IGDCC4: variants seen among roughly 807,000 people sequenced by gnomAD.
The protein encoded by IGDCC4 is likely ortholog of mouse neighbor of Punc E11.
A neutral mutation model predicts 116.6 loss-of-function variants in IGDCC4; 72 were observed. The ratio of observed to expected loss-of-function variants is 0.62; its 90% confidence interval spans 0.51 to 0.75. The LOEUF is 0.75. Among genes scored for constraint, IGDCC4 ranks in the 30% least tolerant of loss-of-function variants. IGDCC4 has a pLI of 0.00. For missense variants in IGDCC4, 1,501 were observed against 1,662.4 expected (o/e 0.90, Z 1.69); for synonymous variants, 709 against 719.9 (o/e 0.98, Z 0.24).
Position 65,391,983 on chromosome 15 carries a change from T to C in IGDCC4, c.2123-2A>G. ...TCACCTCGTACAGCCGGCCAGGGAC[T>C]GGGGAAGGTTACAGGGCTTAATGGC... On this transcript the variant is annotated splice_acceptor_variant, in intron 11 of 19. Coordinates refer to ENST00000352385, the MANE Select transcript of IGDCC4 (RefSeq NM_020962.3). LOFTEE classifies it high-confidence loss of function. The C allele has an allele frequency of 6.2e-7, 1 of 1,607,388 alleles. No homozygotes were observed. Among genetic ancestry groups the C allele is most frequent in the Non-Finnish European group, 8.5e-7 (1 of 1,176,594 alleles).
intron 1 of IGDCC4, among the ~76,000 whole-genome samples, chr15:65,413,912 C>A (rs1481052765): frequency 5.3e-5 from 8 of 152,232 alleles, no homozygotes; most frequent in Non-Finnish European, 2.9e-5. Flanking sequence ...CCCCAGCTCA[C>A]TGGAATGTAG....
chr15:65,389,094 G>T, intron 14 of IGDCC4, 116 bp from the exon 15 acceptor site: 1 of 1,084,302 alleles, frequency 9.2e-7, no homozygotes, highest in Non-Finnish European at 1.3e-6. Context: ...GATGAGGTCT[G>T]GTTTCTAGTT....
chr15:65,413,479 G>A (rs2063116666), intron 1 of IGDCC4, among the ~76,000 whole-genome samples: 1 of 152,198 alleles, frequency 6.6e-6, no homozygotes, highest in Non-Finnish European at 1.5e-5. Context: ...GGAAACAGTA[G>A]AGGAAGGGAA....
intron 3 of IGDCC4, among the ~76,000 whole-genome samples, chr15:65,403,718 G>A (rs1015119091): frequency 1.2e-4 from 18 of 152,312 alleles, no homozygotes; most frequent in Middle Eastern, 3.4e-3. Flanking sequence ...TGGAGAGGAC[G>A]TGGTCTCCAA....
chr15:65,419,475 G>T (rs2063171402), intron 1 of IGDCC4, among the ~76,000 whole-genome samples: 1 of 152,152 alleles, frequency 6.6e-6, no homozygotes. Context: ...ACATGTAAAT[G>T]TGTGTTTAAT....
Position 65,411,150 on chromosome 15 carries a change from C to A in IGDCC4, c.291G>T (p.Gln97His), listed in dbSNP as rs766046375. 3 of 1,613,678 alleles carry A rather than the reference C, an allele frequency of 1.9e-6. No homozygotes were observed. Among genetic ancestry groups the A allele is most frequent in the Middle Eastern group, 3.3e-4 (2 of 6,060 alleles). ...CGTCACTGCCATTGGGTGCTAGTGG[C>A]TGGGACAGCCACAGGGAACCATTGG... is the stretch of plus-strand genomic sequence containing the variant. ...LLPNGSLWLS[Q>H]PLAPNGSDES... Residue 97 changes from glutamine (Q) to histidine (H), a missense_variant, in exon 2 of 20, where the codon CAG (glutamine) becomes CAT (histidine). By Grantham distance (24) the Gln-to-His change is conservative (BLOSUM62 0). Coordinates refer to ENST00000352385, the MANE Select transcript of IGDCC4 (RefSeq NM_020962.3).
chr15:65,409,269 C>T (rs2063067483), intron 3 of IGDCC4, among the ~76,000 whole-genome samples: 1 of 152,124 alleles, frequency 6.6e-6, no homozygotes, highest in South Asian at 2.1e-4. Flanking sequence ...TGGGACAATG[C>T]AACACAGGCA....
At position 65,401,547 on chromosome 15, in the gene IGDCC4, G is replaced by C. The variant is rs557850345; in HGVS notation, c.701-601C>G. Among the ~76,000 whole-genome samples, 98 of 152,248 alleles carry C rather than the reference G, an allele frequency of 6.4e-4. 1 individual carries two copies. The highest frequency in any genetic ancestry group is 1.2e-3 in the Non-Finnish European group (80 of 68,014). On this transcript the variant is annotated intron_variant, in intron 4 of 19. Transcript: ENST00000352385. Reference sequence around the variant, plus strand: ...ACAGAAGAAAGACGACACCAGACTGGGAGCAGCCTACCAGCTAAGCCCAGA... The same window carrying C: ...ACAGAAGAAAGACGACACCAGACTGCGAGCAGCCTACCAGCTAAGCCCAGA...
chr15:65,394,280 C>T, intron 9 of IGDCC4, 131 bp downstream of exon 9: 2 of 1,424,962 alleles, frequency 1.4e-6, no homozygotes. Flanking sequence ...TTTTCAGGTT[C>T]ACCCTTCCCC....
chr15:65,406,902 G>C (rs1200435137), intron 3 of IGDCC4, among the ~76,000 whole-genome samples: 1 of 152,144 alleles, frequency 6.6e-6, no homozygotes, highest in African/African-American at 2.4e-5. Context: ...AAACCCACTG[G>C]TGTGCTGAGA....
intron 5 of IGDCC4, among the ~76,000 whole-genome samples, chr15:65,398,736 A>T (rs2062952976): frequency 6.6e-6 from 1 of 151,482 alleles, no homozygotes; most frequent in African/African-American, 2.4e-5. Context: ...CTAAAAATAC[A>T]AACCATTAGC....
rs2140207380 is a variant in IGDCC4 at position 65,396,060 on chromosome 15, G to A, written c.1101C>T (p.Arg367=). The A allele has an allele frequency of 5.7e-6, 8 of 1,408,766 alleles. No homozygotes were observed. Among genetic ancestry groups the A allele is most frequent in the East Asian group, 5.9e-5 (2 of 34,038 alleles). The allele number at this position is 1,408,766 out of a possible 1,614,324, so 87.3% of individuals were successfully genotyped here. Residue 367 remains arginine, a synonymous_variant, in exon 7 of 20, where the codon CGC becomes CGT. Coordinates refer to ENST00000352385, the MANE Select transcript of IGDCC4 (RefSeq NM_020962.3). ...RASGEPRPAL[R]WLHNGAPLRP... is the part of the protein sequence containing the mutation. ...GCAGCGGCGCCCCGTTGTGCAGCCA[G>A]CGCAGCGCTGGCCGCGGCTCCCCCG...
chr15:65,397,666 T>TA (rs59114878), intron 5 of IGDCC4, among the ~76,000 whole-genome samples: 23,900 of 114,490 alleles, frequency 0.21, 2,151 homozygotes, highest in East Asian at 0.46. Context: ...TCCGTCTCTA[T>TA]AAAAAAAAAA....
chr15:65,385,791 C>T (rs773138805), intron 18 of IGDCC4, 40 bp downstream of exon 18: 3 of 1,507,890 alleles, frequency 2.0e-6, no homozygotes, highest in South Asian at 1.1e-5. Flanking sequence ...CCCCTGGTGT[C>T]CTATTTAGAA....
In IGDCC4 at chr15:65,422,289, A is replaced by G. The variant is rs552344213; in HGVS notation, c.70+504T>C. 4.6e-5 allele frequency among the ~76,000 whole-genome samples: 7 copies of G among 152,172 alleles called. No homozygotes were observed. The South Asian group carries it at 1.5e-3, about 32-fold the overall frequency. On this transcript the variant is annotated intron_variant, in intron 1 of 19. Transcript: ENST00000352385. ...TGGGCAAGGACACTTCCCAAATGCC[A>G]AGGCCAAATATTAGCTCAGCCCCAT... is the stretch of plus-strand genomic sequence containing the variant.
intron 1 of IGDCC4, among the ~76,000 whole-genome samples, chr15:65,412,078 C>A (rs542820047): frequency 6.6e-6 from 1 of 152,218 alleles, no homozygotes; most frequent in East Asian, 1.9e-4. Flanking sequence ...GTTAGCTGTA[C>A]ATGGTGGCAC....
intron 7 of IGDCC4, 151 bp downstream of exon 7, chr15:65,395,599 C>T: frequency 1.2e-6 from 1 of 826,566 alleles, no homozygotes; most frequent in Non-Finnish European, 1.7e-6. Flanking sequence ...ACCTACCATA[C>T]TTATGCGGGT....
chr15:65,419,287 C>G (rs75507479), intron 1 of IGDCC4, among the ~76,000 whole-genome samples: 2,496 of 146,534 alleles, frequency 0.017, 31 homozygotes, highest in Non-Finnish European at 0.024. Context: ...CCAGTCTGGT[C>G]TCAAACTCAG....
chr15:65,394,474 G>A lies in IGDCC4; in HGVS notation c.1651C>T (p.Pro551Ser), dbSNP rs139775487. The A allele has an allele frequency of 2.7e-5, 44 of 1,613,834 alleles. No homozygotes were observed. The highest frequency in any genetic ancestry group is 3.6e-5 in the Non-Finnish European group (43 of 1,179,962). The change falls in exon 9 of 20, where the codon CCC (proline) becomes TCC (serine). Residue 551 changes from proline (P) to serine (S), a missense_variant. By Grantham distance (74) the Pro-to-Ser change is moderately conservative. Transcript: ENST00000352385. Reference protein sequence around the residue: ...SDIRVAWLPLPPSLSNGQVVK... With the variant: ...SDIRVAWLPLSPSLSNGQVVK... ...ACCTGCCCATTGCTCAGGCTGGGGGGCAGGGGCAGCCACGCCACCCTGATG... is the reference window on the plus strand; with the variant it reads ...ACCTGCCCATTGCTCAGGCTGGGGGACAGGGGCAGCCACGCCACCCTGATG...
Sources: gnomAD v4.1 joint callset for allele counts (sites outside exome capture counted in the v4.1 genomes callset) on GRCh38, gnomAD v4.1.1 for gene constraint, MANE v1.5 for transcripts, NCBI Gene and HGNC (gene_info 2026-07-23, HGNC 2026-07-21) for gene names.